Variants in CUX2 observed in about 807,000 individuals in gnomAD.
CUX2 encodes the protein homeobox protein cut-like 2.
CUX2 carries 40 observed loss-of-function variants against 144.8 expected under a neutral mutation model. The ratio of observed to expected loss-of-function variants is 0.28; its 90% CI spans 0.21 to 0.36. The LOEUF is 0.36. CUX2 is among the 10% of genes least tolerant of loss of function. The pLI is 1.00. For synonymous variants in CUX2, 827 were observed against 875.6 expected, an observed-to-expected ratio of 0.94 and a Z score of 0.98; for missense variants, 1,615 against 1,994.0, an observed-to-expected ratio of 0.81 and a Z score of 3.62.
chr12:111,315,550 C>T (rs150332242), intron 16 of CUX2, among the ~76,000 whole-genome samples: 2,710 of 152,230 alleles, frequency 0.018, 91 homozygotes, highest in African/African-American at 0.062. Flanking sequence ...AAAACCCCAT[C>T]TCTACTAAAA....
At chr12:111,088,093 A>G (rs1013394818) in intron 1 of CUX2, among the ~76,000 whole-genome samples, 1 of 152,236 alleles carries the variant, frequency 6.6e-6, no homozygotes, top group Middle Eastern at 3.2e-3. Context: ...GCATTCCCGA[A>G]AAGACAAGGT....
In CUX2 at chr12:111,266,400, G is replaced by T. The variant is rs578041463; in HGVS notation, c.301+2561G>T. Among the ~76,000 whole-genome samples the T allele has an allele frequency of 6.3e-4, 96 of 151,616 alleles. 1 individual carries two copies. The South Asian group carries it at 0.018, about 29-fold the overall frequency. On this transcript the variant is annotated intron_variant, in intron 4 of 21. Coordinates refer to ENST00000261726, the MANE Select transcript of CUX2 (RefSeq NM_015267.4). ...GCAGGAGAATCGCTTGAACCCAGGA[G>T]GCGGAGGTTGCAATGAGCCGAGATC... is the stretch of plus-strand genomic sequence containing the variant.
chr12:111,188,404 C>G (rs1018504791), intron 1 of CUX2, among the ~76,000 whole-genome samples: 1 of 152,182 alleles, frequency 6.6e-6, no homozygotes, highest in African/African-American at 2.4e-5. Context: ...TGCTGGACAC[C>G]AGCAAAGGTG....
chr12:111,280,122 AAAAAT>A (rs1251400618), intron 4 of CUX2, among the ~76,000 whole-genome samples: 1 of 151,996 alleles, frequency 6.6e-6, no homozygotes, highest in Admixed American at 6.6e-5. Flanking sequence ...CATCTCTACT[AAAAAT>A]AAAATACAAA....
At position 111,214,303 on chromosome 12, in the gene CUX2, T is replaced by C. The variant is rs1881409057; in HGVS notation, c.167T>C (p.Val56Ala). 1.9e-6 allele frequency: 3 copies of C among 1,569,838 alleles called. No homozygotes were observed. Among genetic ancestry groups the C allele is most frequent in the South Asian group, 2.3e-5 (2 of 87,776 alleles). The change falls in exon 2 of 22, where the codon GTA becomes GCA. Residue 56 changes from valine to alanine, a missense_variant. Physicochemically the swap from Val to Ala is moderately conservative, Grantham distance 64. Transcript: ENST00000261726. ...IELRREFKKN[V>A]PEEIREMVAP... ...CTCCGCCGGGAATTTAAGAAAAATG[T>C]ACCTGAGGTATGGTATATTTGCCGT...
chr12:111,227,135 T>G (rs1401043380), intron 3 of CUX2, among the ~76,000 whole-genome samples: 1 of 152,210 alleles, frequency 6.6e-6, no homozygotes, highest in African/African-American at 2.4e-5. Flanking sequence ...GTTGAGCACC[T>G]ACTAGGTGCC....
rs56249976 is a variant in CUX2, at chr12:111,263,682, G to GA, written c.223-69dup. 5,593 of 1,041,356 alleles carry GA rather than the reference G, an allele frequency of 5.4e-3. 4 individuals are homozygous for GA. The highest frequency in any genetic ancestry group is 9.0e-3 in the African/African-American group (555 of 61,650). 64.5% of individuals were successfully genotyped at this position (1,041,356 alleles called of 1,614,324 possible). On this transcript the variant is annotated intron_variant, in intron 3 of 21. Transcript: ENST00000261726. The surrounding 1 kb of genome is among the most constrained non-coding windows in gnomAD (Gnocchi z 4.0). ...AAAAACCTGCAGATGTTTTCTTGTG[G>GA]AAAAAAAAAATGATGAAATTTGCTT...
chr12:111,222,922 AC>A (rs1881928741), intron 3 of CUX2, among the ~76,000 whole-genome samples: 1 of 152,178 alleles, frequency 6.6e-6, no homozygotes, highest in Non-Finnish European at 1.5e-5. Flanking sequence ...AGTCACCTCA[AC>A]AAGCATTTAT....
At chr12:111,327,528 G>A (rs1887876151) in intron 18 of CUX2, among the ~76,000 whole-genome samples, 1 of 152,186 alleles carries the variant, frequency 6.6e-6, no homozygotes, top group Non-Finnish European at 1.5e-5. Context: ...TGGTGGGTGT[G>A]TAAGTGGTAT....
intron 18 of CUX2, among the ~76,000 whole-genome samples, chr12:111,333,551 T>C (rs1287025403): frequency 6.6e-6 from 1 of 152,170 alleles, no homozygotes; most frequent in Non-Finnish European, 1.5e-5. Context: ...CTGGACAGTC[T>C]GAGTTTGGTT....
chr12:111,308,200 G>A (rs1565906928), intron 12 of CUX2, 85 bp from the exon 13 acceptor site: 9 of 1,468,262 alleles, frequency 6.1e-6, no homozygotes, highest in Non-Finnish European at 8.5e-6. Context: ...TGTCAGGGAG[G>A]TAAGCCGGGT....
At chr12:111,182,007 G>A (rs990419516) in intron 1 of CUX2, among the ~76,000 whole-genome samples, 7 of 152,132 alleles carry the variant, frequency 4.6e-5, no homozygotes, top group Non-Finnish European at 7.4e-5. Context: ...TCCGACGGGT[G>A]CACCTAATCT....
chr12:111,164,075 G>C (rs56685321), intron 1 of CUX2, among the ~76,000 whole-genome samples: 170 of 152,258 alleles, frequency 1.1e-3, no homozygotes, highest in African/African-American at 3.9e-3. Context: ...ATAGCACTTA[G>C]AACAGTCCCT....
chr12:111,223,943 G>T lies in CUX2; in HGVS notation c.222+6006G>T, dbSNP rs143269984. On this transcript the variant is annotated intron_variant, in intron 3 of 21. Coordinates refer to ENST00000261726, the MANE Select transcript of CUX2 (RefSeq NM_015267.4). ...CCCTCCATCAACCCTGGAGCCCCTG[G>T]CATTCACTGGTGCTTAGCATCATCT... 4.6e-3 allele frequency among the ~76,000 whole-genome samples: 702 copies of T among 152,246 alleles called. 4 individuals carry two copies. The highest frequency in any genetic ancestry group is 7.6e-3 in the Non-Finnish European group (520 of 68,022).
chr12:111,234,844 G>A (rs550854194), intron 3 of CUX2, among the ~76,000 whole-genome samples: 4 of 151,294 alleles, frequency 2.6e-5, no homozygotes, highest in South Asian at 2.1e-4. Context: ...TTAGCCTCCC[G>A]AGTAGCTGGG....
intron 3 of CUX2, among the ~76,000 whole-genome samples, chr12:111,244,110 T>A (rs1479028123): frequency 6.6e-6 from 1 of 152,082 alleles, no homozygotes; most frequent in Non-Finnish European, 1.5e-5. Context: ...TTGTTTTTGT[T>A]TTTTTAAAGA....
At chr12:111,041,886 T>C (rs1869758287) in intron 1 of CUX2, among the ~76,000 whole-genome samples, 1 of 152,198 alleles carries the variant, frequency 6.6e-6, no homozygotes, top group Admixed American at 6.5e-5. Context: ...TCCTGACCAA[T>C]GCATGAAGAT....
rs568008543 is a variant in CUX2 at position 111,166,613 on chromosome 12, A to G, written c.64-47587A>G. On this transcript the variant is annotated intron_variant, in intron 1 of 21. Transcript: ENST00000261726. ...TTAAGTGACTTGCTCTGGTTTGCAC[A>G]GCTGCTTGATGGAGGGGCCAGGCTT... Among the ~76,000 whole-genome samples, 13 of 152,194 alleles carry G rather than the reference A, an allele frequency of 8.5e-5. No homozygotes were observed. The South Asian group carries it at 2.5e-3, about 29-fold the overall frequency.
rs969300518 is a variant in CUX2 at position 111,059,452 on chromosome 12, A to G, written c.63+25212A>G. Among the ~76,000 whole-genome samples, 5 of 152,254 alleles carry G rather than the reference A, an allele frequency of 3.3e-5. No individual in the cohort carries two copies. The highest frequency in any genetic ancestry group is 1.2e-4 in the African/African-American group (5 of 41,472). ...CAGGCCAACTCCCAGTGAGGGGAGCAGGACTACTGCCTGATTCCTGGACCA... is the reference window on the plus strand; with the variant it reads ...CAGGCCAACTCCCAGTGAGGGGAGCGGGACTACTGCCTGATTCCTGGACCA... On this transcript the variant is annotated intron_variant, in intron 1 of 21. Transcript: ENST00000261726. The surrounding 1 kb of genome is among the most constrained non-coding windows in gnomAD (Gnocchi z 5.3).
Sources: allele counts gnomAD v4.1 joint callset (sites outside exome capture counted in the v4.1 genomes callset), GRCh38; gene constraint gnomAD v4.1.1; non-coding constraint Gnocchi (gnomAD v3.1); transcripts MANE v1.5; gene names NCBI Gene and HGNC (gene_info 2026-07-23, HGNC 2026-07-21).